Variants in ZDHHC15 observed in about 807,000 individuals in gnomAD.
ZDHHC15 encodes zDHHC palmitoyltransferase 15.
A neutral mutation model predicts 31.7 loss-of-function variants in ZDHHC15; 19 were observed. The observed-to-expected ratio is 0.60, with a 90% CI of 0.42 to 0.88. The LOEUF is 0.88. ZDHHC15 is among the 40% of genes least tolerant of loss of function. The probability of loss-of-function intolerance (pLI) is 0.00; values close to 1 mark genes in which losing one functional copy is unlikely to be tolerated. For synonymous variants in ZDHHC15, 103 were observed against 90.0 expected, an observed-to-expected ratio of 1.14 and a Z score of -0.82; for missense variants, 209 against 251.2, an observed-to-expected ratio of 0.83 and a Z score of 1.14.
At chrX:75,514,947 C>G (rs903157031) in intron 1 of ZDHHC15, among the ~76,000 whole-genome samples, 13 of 112,185 alleles carry the variant, frequency 1.2e-4, no homozygotes, top group Admixed American at 9.5e-4. Flanking sequence ...CTATAAACAT[C>G]TCTATGCAAA....
chrX:75,440,667 T>C (rs2083927604), intron 4 of ZDHHC15, among the ~76,000 whole-genome samples: 1 of 112,022 alleles, frequency 8.9e-6, no homozygotes, highest in Non-Finnish European at 1.9e-5. Flanking sequence ...GCTGTGGTAG[T>C]ATAGCGGGGA....
At chrX:75,516,541 A>G (rs1197600301) in intron 1 of ZDHHC15, among the ~76,000 whole-genome samples, 2 of 112,528 alleles carry the variant, frequency 1.8e-5, no homozygotes, top group Admixed American at 1.9e-4. Flanking sequence ...AGATGTAGAA[A>G]GCTGAAACTG....
chrX:75,517,244 C>T (rs1036904502), intron 1 of ZDHHC15, among the ~76,000 whole-genome samples: 81 of 111,490 alleles, frequency 7.3e-4, no homozygotes, highest in African/African-American at 2.6e-3. Context: ...TGGGAATATA[C>T]CCAAAGGATT....
At chrX:75,467,147 G>A (rs1233185709) in intron 3 of ZDHHC15, among the ~76,000 whole-genome samples, 23 of 112,257 alleles carry the variant, frequency 2.0e-4, no homozygotes, top group Non-Finnish European at 2.3e-4. Flanking sequence ...AAAAACAACT[G>A]GTTATTTTGT....
At chrX:75,458,696 C>T (rs1602661372) in intron 3 of ZDHHC15, among the ~76,000 whole-genome samples, 1 of 109,650 alleles carries the variant, frequency 9.1e-6, no homozygotes, top group South Asian at 4.0e-4. Flanking sequence ...ATGTGGTGTA[C>T]CATAGGCAAT....
At chrX:75,459,407 T>C (rs2084277220) in intron 3 of ZDHHC15, among the ~76,000 whole-genome samples, 1 of 111,625 alleles carries the variant, frequency 9.0e-6, no homozygotes, top group African/African-American at 3.3e-5. Flanking sequence ...TGAGATGAGA[T>C]AAAGTTCCTG....
At chrX:75,448,763 C>A (rs1164484690) in intron 4 of ZDHHC15, among the ~76,000 whole-genome samples, 1 of 110,656 alleles carries the variant, frequency 9.0e-6, no homozygotes, top group Non-Finnish European at 1.9e-5. Context: ...TTGACAAGGG[C>A]TGGACTTGTG....
At chrX:75,515,904 A>G (rs1331087577) in intron 1 of ZDHHC15, among the ~76,000 whole-genome samples, 2 of 111,959 alleles carry the variant, frequency 1.8e-5, no homozygotes, top group Non-Finnish European at 3.8e-5. Context: ...TACCAAATCA[A>G]TGTGCAAAAA....
chrX:75,451,230 T>G (rs2084111727), intron 3 of ZDHHC15, among the ~76,000 whole-genome samples: 1 of 111,983 alleles, frequency 8.9e-6, no homozygotes, highest in Non-Finnish European at 1.9e-5. Context: ...TTCATCTGAT[T>G]TCAAGACTTG....
intron 2 of ZDHHC15, among the ~76,000 whole-genome samples, chrX:75,486,282 G>A (rs1335914591): frequency 8.9e-6 from 1 of 112,070 alleles, no homozygotes; most frequent in East Asian, 2.8e-4. Flanking sequence ...GGCCCTATAG[G>A]CACTCATGGT....
intron 3 of ZDHHC15, among the ~76,000 whole-genome samples, chrX:75,459,675 G>C (rs1221616552): frequency 2.7e-5 from 3 of 111,850 alleles, no homozygotes; most frequent in South Asian, 7.5e-4. Flanking sequence ...CCCTGGGACA[G>C]AGCTCCTGGG....
At chrX:75,392,968 C>T (rs2083263165) in intron 10 of ZDHHC15, among the ~76,000 whole-genome samples, 2 of 109,030 alleles carry the variant, frequency 1.8e-5, no homozygotes, top group African/African-American at 6.7e-5. Context: ...TGACCCAAAC[C>T]TTCATTCCTG....
At chrX:75,384,832 G>A in intron 10 of ZDHHC15, 1 of 631,102 alleles carries the variant, frequency 1.6e-6, no homozygotes, top group Non-Finnish European at 2.7e-6. Context: ...GGCATAATAG[G>A]TGTTAAAAAA....
chrX:75,461,742 T>C (rs1325952245), intron 3 of ZDHHC15, among the ~76,000 whole-genome samples: 1 of 112,020 alleles, frequency 8.9e-6, no homozygotes, highest in Non-Finnish European at 1.9e-5. Context: ...AGGGAATTAA[T>C]TGCCACCAGG....
At chrX:75,521,024 A>G (rs1278432484) in intron 1 of ZDHHC15, among the ~76,000 whole-genome samples, 1 of 111,050 alleles carries the variant, frequency 9.0e-6, no homozygotes, top group African/African-American at 3.3e-5. Flanking sequence ...GAAGAAAATT[A>G]CAAATGGAGT....
At chrX:75,437,555 C>T (rs368528218) in intron 4 of ZDHHC15, among the ~76,000 whole-genome samples, 101 of 97,913 alleles carry the variant, frequency 1.0e-3, no homozygotes, top group Middle Eastern at 5.1e-3. Flanking sequence ...TTTGTTCTTG[C>T]GATAGTTTAC....
chrX:75,499,001 C>A (rs1460908410), intron 2 of ZDHHC15, among the ~76,000 whole-genome samples: 3 of 111,570 alleles, frequency 2.7e-5, no homozygotes, highest in African/African-American at 9.8e-5. Context: ...GCCAACTGAT[C>A]TTTGAGGAAG....
At chrX:75,502,897 C>T (rs1934882305) in intron 2 of ZDHHC15, among the ~76,000 whole-genome samples, 1 of 110,341 alleles carries the variant, frequency 9.1e-6, no homozygotes, top group South Asian at 3.8e-4. Flanking sequence ...AACATATGAA[C>T]TCACATATTT....
chrX:75,398,236 G>A (rs989979206), intron 10 of ZDHHC15, among the ~76,000 whole-genome samples: 1 of 112,429 alleles, frequency 8.9e-6, no homozygotes, highest in Non-Finnish European at 1.9e-5. Context: ...TGCTTTTCAG[G>A]TGCCTTAGCC....
Sources: gnomAD v4.1 joint callset for allele counts (sites outside exome capture counted in the v4.1 genomes callset) on GRCh38, gnomAD v4.1.1 for gene constraint, MANE v1.5 for transcripts, NCBI Gene and HGNC (gene_info 2026-07-23, HGNC 2026-07-21) for gene names.